TMEM132D: variants seen among roughly 807,000 people sequenced by gnomAD.
TMEM132D encodes mature OL transmembrane protein.
Under a neutral mutation model 62.3 loss-of-function variants are expected in TMEM132D, and 21 were observed. That is an observed-to-expected ratio of 0.34 (90% CI 0.24 to 0.49). The LOEUF (loss-of-function observed/expected upper bound fraction) is 0.49. Ranked by LOEUF, TMEM132D falls within the 20% of genes least tolerant of loss-of-function variation. TMEM132D has a pLI of 0.99. For synonymous variants in TMEM132D, 621 were observed against 575.6 expected (o/e 1.08, Z -1.13); for missense variants, 1,346 against 1,402.8 (o/e 0.96, Z 0.65).
At chr12:129,295,843 A>T (rs75790441) in intron 4 of TMEM132D, among the ~76,000 whole-genome samples, 11 of 152,152 alleles carry the variant, frequency 7.2e-5, no homozygotes, top group Admixed American at 1.3e-4. Context: ...TGCTATATCA[A>T]TACTTGTTAT....
At chr12:129,729,305 T>C (rs1869140137) in intron 1 of TMEM132D, among the ~76,000 whole-genome samples, 1 of 152,196 alleles carries the variant, frequency 6.6e-6, no homozygotes, top group Non-Finnish European at 1.5e-5. Context: ...AATAACTCAG[T>C]CCAGGGTTTC....
intron 4 of TMEM132D, among the ~76,000 whole-genome samples, chr12:129,318,390 A>C (rs926285346): frequency 6.6e-6 from 1 of 152,126 alleles, no homozygotes; most frequent in African/African-American, 2.4e-5. Flanking sequence ...CCTGTGAGCC[A>C]AACTGCAGTG....
At chr12:129,186,682 G>A (rs1460795386) in intron 5 of TMEM132D, among the ~76,000 whole-genome samples, 6 of 152,164 alleles carry the variant, frequency 3.9e-5, no homozygotes, top group Non-Finnish European at 1.5e-5. Context: ...ACCCCATAGG[G>A]ATGTTATGAA....
intron 1 of TMEM132D, among the ~76,000 whole-genome samples, chr12:129,879,923 G>C (rs1220479079): frequency 6.6e-6 from 1 of 152,118 alleles, no homozygotes; most frequent in African/African-American, 2.4e-5. Context: ...TCCAACAGGA[G>C]GGGAGAGGAA....
intron 3 of TMEM132D, among the ~76,000 whole-genome samples, chr12:129,340,351 A>G (rs1869430137): frequency 6.6e-6 from 1 of 152,052 alleles, no homozygotes; most frequent in Admixed American, 6.6e-5. Context: ...GTACATGTGC[A>G]CAATGTACAG....
intron 3 of TMEM132D, among the ~76,000 whole-genome samples, chr12:129,400,996 G>A (rs1028909718): frequency 1.3e-5 from 2 of 151,850 alleles, no homozygotes; most frequent in African/African-American, 4.8e-5. Flanking sequence ...TGGAGTGAGG[G>A]GCTGTGAGAC....
intron 3 of TMEM132D, among the ~76,000 whole-genome samples, chr12:129,516,375 C>T (rs1875675007): frequency 6.6e-6 from 1 of 152,174 alleles, no homozygotes; most frequent in Non-Finnish European, 1.5e-5. Flanking sequence ...AAGACATACC[C>T]AAGACTTGGT....
At chr12:129,386,676 A>G (rs752695554) in intron 3 of TMEM132D, among the ~76,000 whole-genome samples, 1 of 151,548 alleles carries the variant, frequency 6.6e-6, no homozygotes, top group Non-Finnish European at 1.5e-5. Context: ...GCCAACACCA[A>G]CACCAATACT....
intron 5 of TMEM132D, among the ~76,000 whole-genome samples, chr12:129,087,135 G>C (rs1436813771): frequency 4.6e-5 from 7 of 151,980 alleles, no homozygotes; most frequent in Non-Finnish European, 8.8e-5. Flanking sequence ...CTCTCTCCAT[G>C]TCACCCACTT....
intron 2 of TMEM132D, among the ~76,000 whole-genome samples, chr12:129,690,941 G>A (rs913541115): frequency 3.9e-5 from 6 of 152,056 alleles, no homozygotes; most frequent in Non-Finnish European, 8.8e-5. Flanking sequence ...ATTACATTCT[G>A]TGCCATGTAG....
intron 1 of TMEM132D, among the ~76,000 whole-genome samples, chr12:129,739,666 G>A (rs1465161079): frequency 1.3e-5 from 2 of 152,186 alleles, no homozygotes; most frequent in Non-Finnish European, 2.9e-5. Flanking sequence ...GATATTCTGT[G>A]CATTCACGTT....
intron 3 of TMEM132D, among the ~76,000 whole-genome samples, chr12:129,394,039 T>G (rs1357869142): frequency 6.6e-6 from 1 of 152,232 alleles, no homozygotes; most frequent in African/African-American, 2.4e-5. Flanking sequence ...TTGTCACCAT[T>G]TCCCCCTTAA....
chr12:129,790,455 G>A (rs1201478156), intron 1 of TMEM132D, among the ~76,000 whole-genome samples: 1 of 152,136 alleles, frequency 6.6e-6, no homozygotes, highest in African/African-American at 2.4e-5. Flanking sequence ...CTTGGAGTGG[G>A]AATCTAATCT....
intron 3 of TMEM132D, among the ~76,000 whole-genome samples, chr12:129,450,917 C>T (rs1262635771): frequency 5.8e-5 from 2 of 34,620 alleles, no homozygotes; most frequent in South Asian, 8.5e-4. Flanking sequence ...CACCACACCA[C>T]CACACCTGGC....
intron 1 of TMEM132D, among the ~76,000 whole-genome samples, chr12:129,849,343 A>G (rs1047576985): frequency 2.0e-5 from 3 of 152,096 alleles, no homozygotes; most frequent in African/African-American, 7.3e-5. Context: ...CAAAAAATAC[A>G]AGCATAAACC....
At position 129,903,318 on chromosome 12, in the gene TMEM132D, T is replaced by C. The variant is rs1376813761; in HGVS notation, c.22A>G (p.Thr8Ala). 2.6e-6 allele frequency: 4 copies of C among 1,553,712 alleles called. No individual in the cohort carries two copies. Among genetic ancestry groups the C allele is most frequent in the Non-Finnish European group, 3.5e-6 (4 of 1,148,368 alleles). ...ACCGGCGACCAGTGGTGCCACAGCG[T>C]CCCCATCTCAGACGGGCACATCCTG... MCPSEMG[T>A]LWHHWSPVLI... is the part of the protein sequence containing the mutation. Residue 8 changes from threonine to alanine, a missense_variant, in exon 1 of 9, where the codon ACG becomes GCG. Transcript: ENST00000422113. The surrounding 1 kb of genome is among the most constrained non-coding windows in gnomAD (Gnocchi z 6.2).
intron 3 of TMEM132D, among the ~76,000 whole-genome samples, chr12:129,500,577 C>A (rs183837293): frequency 2.0e-5 from 3 of 152,196 alleles, no homozygotes; most frequent in Admixed American, 6.5e-5. Context: ...CTACCTTAGA[C>A]AGAATGTGAT....
chr12:129,481,889 C>G (rs1874440314), intron 3 of TMEM132D, among the ~76,000 whole-genome samples: 1 of 152,246 alleles, frequency 6.6e-6, no homozygotes, highest in Non-Finnish European at 1.5e-5. Context: ...CACCTACACA[C>G]ATACACACAC....
At chr12:129,209,992 A>T in intron 4 of TMEM132D, 1 of 254,608 alleles carries the variant, frequency 3.9e-6, no homozygotes, top group Non-Finnish European at 7.6e-6. Context: ...CGGCTCGTCA[A>T]TCCTCATAGC....
Sources: allele counts gnomAD v4.1 joint callset (sites outside exome capture counted in the v4.1 genomes callset), GRCh38; gene constraint gnomAD v4.1.1; non-coding constraint Gnocchi (gnomAD v3.1); transcripts MANE v1.5; gene names NCBI Gene and HGNC (gene_info 2026-07-23, HGNC 2026-07-21).